Variants in MYO3B observed in about 807,000 individuals in gnomAD.
MYO3B encodes the protein myosin-IIIb.
Under a neutral mutation model 174.6 loss-of-function variants are expected in MYO3B, and 156 were observed. That is an observed-to-expected ratio of 0.89 (90% CI 0.78 to 1.02). The LOEUF (loss-of-function observed/expected upper bound fraction) is 1.02, where lower values mean the gene tolerates loss of function less well. Among genes scored for constraint, MYO3B ranks in the 50% least tolerant of loss-of-function variants. The probability of loss-of-function intolerance (pLI) is 0.00; values close to 1 mark genes in which losing one functional copy is unlikely to be tolerated. For missense variants in MYO3B, 1,632 were observed against 1,639.4 expected, an observed-to-expected ratio of 1.00 and a Z score of 0.08; for synonymous variants, 563 against 569.1, an observed-to-expected ratio of 0.99 and a Z score of 0.15.
At chr2:170,398,319 GCTTC>G (rs899833080) in intron 16 of MYO3B, among the ~76,000 whole-genome samples, 6 of 151,328 alleles carry the variant, frequency 4.0e-5, no homozygotes, top group Non-Finnish European at 7.4e-5. Context: ...GTAACATAGA[GCTTC>G]CATTCCCTCT....
At chr2:170,383,593 A>T in intron 11 of MYO3B, 117 bp from the exon 12 acceptor site, 1 of 750,278 alleles carries the variant, frequency 1.3e-6, no homozygotes. Flanking sequence ...TATACCCTAC[A>T]GTCTTCCTAA....
In MYO3B at chr2:170,514,949, A is replaced by C; in HGVS notation, c.3399A>C (p.Pro1133=). Residue 1133 remains proline, a synonymous_variant, in exon 29 of 35, where the codon CCA becomes CCC. Coordinates refer to ENST00000408978, the MANE Select transcript of MYO3B (RefSeq NM_138995.5). The part of the protein sequence containing the change: ...AGDTSNQSSG[P]HSPVAAGTRG... ...ACACTTCAAACCAAAGCAGTGGGCC[A>C]CATTCCCCCGTCGCAGCAGGTACGA... 6.2e-7 allele frequency: 1 copy of C among 1,614,018 alleles called. No individual in the cohort carries two copies. The highest frequency in any genetic ancestry group is 8.5e-7 in the Non-Finnish European group (1 of 1,179,956).
intron 1 of MYO3B, among the ~76,000 whole-genome samples, chr2:170,191,868 A>G (rs2092544530): frequency 6.6e-6 from 1 of 152,132 alleles, no homozygotes; most frequent in Non-Finnish European, 1.5e-5. Flanking sequence ...TGGTGTTCCT[A>G]TAGGGAGGAC....
At chr2:170,460,487 C>CA (rs36000141) in intron 23 of MYO3B, among the ~76,000 whole-genome samples, 8,623 of 73,580 alleles carry the variant, frequency 0.12, 1,225 homozygotes, top group African/African-American at 0.15. Flanking sequence ...GACTCCGTCT[C>CA]AAAAAAAAAA....
At position 170,498,619 on chromosome 2, in the gene MYO3B, T is replaced by C; in HGVS notation, c.3042T>C (p.His1014=). 1.2e-6 allele frequency: 2 copies of C among 1,614,028 alleles called. No homozygotes were observed. The highest frequency in any genetic ancestry group is 1.7e-6 in the Non-Finnish European group (2 of 1,179,922). Residue 1014 remains histidine (H), a synonymous_variant, in exon 26 of 35, where the codon CAT becomes CAC. Coordinates refer to ENST00000408978, the MANE Select transcript of MYO3B (RefSeq NM_138995.5). ...KRYYYLAFTA[H]QTPLASKESC... is the part of the protein sequence containing the mutation. ...ATTATTACTTGGCATTCACAGCACA[T>C]CAAACACCTCTTGCTAGCAAAGAGA...
chr2:170,560,083 A>T (rs1691606357), intron 32 of MYO3B, among the ~76,000 whole-genome samples: 1 of 152,072 alleles, frequency 6.6e-6, no homozygotes. Context: ...GCTATTTCTT[A>T]CTCTTCCATT....
At chr2:170,504,908 G>T (rs550418550) in intron 28 of MYO3B, among the ~76,000 whole-genome samples, 158 of 152,278 alleles carry the variant, frequency 1.0e-3, no homozygotes, top group African/African-American at 3.7e-3. Flanking sequence ...GGGAGGGACA[G>T]GGCTCCAGAT....
intron 32 of MYO3B, among the ~76,000 whole-genome samples, chr2:170,614,706 C>T (rs1695334742): frequency 6.6e-6 from 1 of 152,204 alleles, no homozygotes; most frequent in South Asian, 2.1e-4. Context: ...CAAAGCCCAG[C>T]ATCTATAGCA....
intron 28 of MYO3B, among the ~76,000 whole-genome samples, chr2:170,510,837 G>A (rs1394950565): frequency 1.3e-5 from 2 of 152,258 alleles, no homozygotes; most frequent in African/African-American, 2.4e-5. Flanking sequence ...GTCATACAGC[G>A]TGAAACTTTT....
chr2:170,429,021 G>C (rs946836154), intron 22 of MYO3B, among the ~76,000 whole-genome samples: 4 of 152,206 alleles, frequency 2.6e-5, no homozygotes, highest in African/African-American at 9.7e-5. Flanking sequence ...ACAATGGGAA[G>C]CTAACAGCGT....
chr2:170,582,773 T>C (rs1693234818), intron 32 of MYO3B, among the ~76,000 whole-genome samples: 1 of 152,168 alleles, frequency 6.6e-6, no homozygotes, highest in African/African-American at 2.4e-5. Flanking sequence ...TCAGGCCTTT[T>C]GTTAAGAAAA....
rs2092717771 is a variant in MYO3B, at chr2:170,206,858, C to T, written c.321+6574C>T. Among the ~76,000 whole-genome samples the T allele has an allele frequency of 6.6e-6, 1 of 152,140 alleles. No homozygotes were observed. The highest frequency in any genetic ancestry group is 6.5e-5 in the Admixed American group (1 of 15,274). ...TTGTGATAATAAAACTGTATTTTCT[C>T]CCTTTGGTATCTTTGATGTTCCTGG... On this transcript the variant is annotated intron_variant, in intron 3 of 34. Coordinates refer to ENST00000408978, the MANE Select transcript of MYO3B (RefSeq NM_138995.5). The surrounding 1 kb of genome is among the most constrained non-coding windows in gnomAD (Gnocchi z 4.3).
chr2:170,448,059 G>A (rs1199153868), intron 23 of MYO3B, among the ~76,000 whole-genome samples: 2 of 152,190 alleles, frequency 1.3e-5, no homozygotes, highest in Non-Finnish European at 2.9e-5. Flanking sequence ...GGGAGGTTTA[G>A]AGTCTTGCAG....
chr2:170,435,231 G>A (rs547227875), intron 22 of MYO3B, among the ~76,000 whole-genome samples: 2 of 152,270 alleles, frequency 1.3e-5, no homozygotes, highest in South Asian at 4.1e-4. Context: ...TTGAGAAATC[G>A]TTTATTTTTA....
At chr2:170,472,685 T>G (rs879581840) in intron 25 of MYO3B, among the ~76,000 whole-genome samples, 1 of 135,962 alleles carries the variant, frequency 7.4e-6, no homozygotes, top group Non-Finnish European at 1.5e-5. Context: ...ATTTATTTAT[T>G]TATTTATTTA....
chr2:170,504,701 C>G (rs1687509672), intron 28 of MYO3B, among the ~76,000 whole-genome samples: 1 of 152,216 alleles, frequency 6.6e-6, no homozygotes, highest in Admixed American at 6.5e-5. Flanking sequence ...TCGGGCCCTC[C>G]TCCAGGCAGC....
chr2:170,568,208 A>G (rs1443803647), intron 32 of MYO3B, among the ~76,000 whole-genome samples: 1 of 152,218 alleles, frequency 6.6e-6, no homozygotes, highest in Non-Finnish European at 1.5e-5. Flanking sequence ...TTCCAATAAG[A>G]AGGGGTATGT....
intron 32 of MYO3B, among the ~76,000 whole-genome samples, chr2:170,634,178 A>G (rs10189474): frequency 0.23 from 35,564 of 152,066 alleles, 5,403 homozygotes; most frequent in East Asian, 0.45. Context: ...TAAGCCAAAA[A>G]AACAAAGCTG....
At chr2:170,491,377 C>T (rs1686456055) in intron 25 of MYO3B, among the ~76,000 whole-genome samples, 1 of 151,772 alleles carries the variant, frequency 6.6e-6, no homozygotes, top group Admixed American at 6.6e-5. Context: ...AATTTAATTC[C>T]ACCGTGGCCA....
Sources: allele counts gnomAD v4.1 joint callset (sites outside exome capture counted in the v4.1 genomes callset), GRCh38; gene constraint gnomAD v4.1.1; non-coding constraint Gnocchi (gnomAD v3.1); transcripts MANE v1.5; gene names NCBI Gene and HGNC (gene_info 2026-07-23, HGNC 2026-07-21).